The following DYRK1A variants were observed in gnomAD, a reference collection of about 807,000 sequenced individuals.
The protein encoded by DYRK1A is dual specificity tyrosine-phosphorylation-regulated kinase 1A.
DYRK1A carries 9 observed loss-of-function variants against 79.7 expected under a neutral mutation model. That is an observed-to-expected ratio of 0.11 (90% CI 0.07 to 0.20). DYRK1A has a LOEUF of 0.20. Ranked by LOEUF, DYRK1A falls within the 10% of genes least tolerant of loss-of-function variation. DYRK1A has a pLI of 1.00. For missense variants in DYRK1A, 622 were observed against 956.0 expected, an observed-to-expected ratio of 0.65 and a Z score of 4.61; for synonymous variants, 349 against 329.7, an observed-to-expected ratio of 1.06 and a Z score of -0.63.
At chr21:37,461,110 T>C (rs1035999712) in intron 2 of DYRK1A, among the ~76,000 whole-genome samples, 4 of 152,208 alleles carry the variant, frequency 2.6e-5, no homozygotes, top group African/African-American at 7.2e-5. Flanking sequence ...TTGTTGAGGA[T>C]AGTACAGTTC....
rs993816793 is a variant in DYRK1A, at chr21:37,518,580, G to A, written c.*6049G>A. On this transcript the variant is annotated 3_prime_UTR_variant, in exon 12 of 12. Coordinates refer to ENST00000647188, the MANE Select transcript of DYRK1A (RefSeq NM_001347721.2). ...AGGCAGGACTCTGGCAAGAAGAGGC[G>A]TGTGGCTAATATGACGGAAGTCTGA... is the stretch of plus-strand genomic sequence containing the variant. 1.3e-5 allele frequency: 2 copies of A among 151,458 alleles called. No individual in the cohort carries two copies. Among genetic ancestry groups the A allele is most frequent in the African/African-American group, 4.9e-5 (2 of 41,140 alleles). The allele number at this position is 151,458 out of a possible 1,614,324, so 9.4% of individuals were successfully genotyped here. A position where few individuals can be genotyped will look rare whatever the true frequency, so the allele number is the denominator to read the frequency against.
At chr21:37,374,644 C>T (rs372224125) in intron 1 of DYRK1A, among the ~76,000 whole-genome samples, 2 of 152,000 alleles carry the variant, frequency 1.3e-5, no homozygotes, top group South Asian at 2.1e-4. Flanking sequence ...GCTCCGCCTC[C>T]TGGGTTCACG....
chr21:37,385,117 A>AC (rs1436242136), intron 1 of DYRK1A, among the ~76,000 whole-genome samples: 2 of 152,106 alleles, frequency 1.3e-5, no homozygotes, highest in Non-Finnish European at 2.9e-5. Context: ...GTAGTTGAAA[A>AC]TCAGTATTTG....
chr21:37,369,869 C>T (rs1389176236), intron 1 of DYRK1A, among the ~76,000 whole-genome samples: 1 of 152,182 alleles, frequency 6.6e-6, no homozygotes, highest in Non-Finnish European at 1.5e-5. Flanking sequence ...AGAAACTTAA[C>T]ACATTATTGT....
At chr21:37,457,456 C>A (rs1254267771) in intron 2 of DYRK1A, among the ~76,000 whole-genome samples, 1 of 152,170 alleles carries the variant, frequency 6.6e-6, no homozygotes, top group East Asian at 1.9e-4. Context: ...AGTCTGGTCT[C>A]GAACTCCTCG....
At chr21:37,398,502 C>G (rs1487215989) in intron 1 of DYRK1A, among the ~76,000 whole-genome samples, 1 of 152,100 alleles carries the variant, frequency 6.6e-6, no homozygotes, top group East Asian at 1.9e-4. Context: ...CTTGATTTTG[C>G]GTAATTAAAC....
chr21:37,494,955 A>G (rs1290279313), intron 8 of DYRK1A, among the ~76,000 whole-genome samples: 1 of 151,850 alleles, frequency 6.6e-6, no homozygotes, highest in Non-Finnish European at 1.5e-5. Flanking sequence ...TAAAAAAAAA[A>G]AAAAATTGTG....
chr21:37,483,125 A>G (rs1439885719), intron 5 of DYRK1A, among the ~76,000 whole-genome samples: 3 of 152,338 alleles, frequency 2.0e-5, no homozygotes, highest in Non-Finnish European at 4.4e-5. Context: ...GGAAATCACA[A>G]GGGTATTGAT....
chr21:37,374,926 A>G (rs1351904364), intron 1 of DYRK1A, among the ~76,000 whole-genome samples: 2 of 152,206 alleles, frequency 1.3e-5, no homozygotes, highest in African/African-American at 4.8e-5. Flanking sequence ...AATAAAGTTC[A>G]TTTCTCACAT....
chr21:37,453,921 T>G (rs1051979579), intron 2 of DYRK1A, among the ~76,000 whole-genome samples: 2 of 152,110 alleles, frequency 1.3e-5, no homozygotes, highest in African/African-American at 4.8e-5. Flanking sequence ...AAAAATTGAT[T>G]TACTGAATCT....
chr21:37,375,288 A>G (rs1218316583), intron 1 of DYRK1A, among the ~76,000 whole-genome samples: 1 of 152,240 alleles, frequency 6.6e-6, no homozygotes, highest in Non-Finnish European at 1.5e-5. Flanking sequence ...AGGTTTTGTT[A>G]GTATCAGCAC....
intron 1 of DYRK1A, chr21:37,367,955 CT>C: frequency 6.2e-6 from 1 of 161,854 alleles, no homozygotes; most frequent in Non-Finnish European, 1.3e-5. Context: ...CCTCCTCCTC[CT>C]CCTCCTCTTC....
At position 37,526,326 on chromosome 21, in the gene DYRK1A, A is replaced by G. The variant is rs987679353; in HGVS notation, c.*13795A>G. On this transcript the variant is annotated 3_prime_UTR_variant, in exon 12 of 12. Transcript: ENST00000647188. ...AATAGAATCTTATAAAAATGTATAAATGTGTTTTATGTAATAAATATGCTA... is the reference window on the plus strand; with the variant it reads ...AATAGAATCTTATAAAAATGTATAAGTGTGTTTTATGTAATAAATATGCTA... 2 of 152,196 alleles carry G rather than the reference A, an allele frequency of 1.3e-5. No individual in the cohort carries two copies. The highest frequency in any genetic ancestry group is 2.9e-5 in the Non-Finnish European group (2 of 68,032). The allele number at this position is 152,196 out of a possible 1,614,324, so 9.4% of individuals were successfully genotyped here.
At chr21:37,376,310 C>T (rs1177130979) in intron 1 of DYRK1A, among the ~76,000 whole-genome samples, 1 of 152,036 alleles carries the variant, frequency 6.6e-6, no homozygotes, top group Admixed American at 6.6e-5. Context: ...GAGTTCGAGA[C>T]CAGCCTGGCT....
At chr21:37,507,436 T>C (rs546772564) in intron 11 of DYRK1A, among the ~76,000 whole-genome samples, 1 of 152,214 alleles carries the variant, frequency 6.6e-6, no homozygotes, top group Non-Finnish European at 1.5e-5. Context: ...ATACTTCTGC[T>C]ACCTGTGGTC....
chr21:37,369,160 A>G (rs2049379867), intron 1 of DYRK1A, among the ~76,000 whole-genome samples: 2 of 152,132 alleles, frequency 1.3e-5, no homozygotes, highest in African/African-American at 2.4e-5. Context: ...ACCCTTTTAT[A>G]GTTTATGTGT....
At chr21:37,387,441 G>C (rs80127187) in intron 1 of DYRK1A, among the ~76,000 whole-genome samples, 6,399 of 152,160 alleles carry the variant, frequency 0.042, 183 homozygotes, top group Middle Eastern at 0.092. Context: ...CATTCGCTTT[G>C]TTTTCTAGTA....
At chr21:37,380,516 G>A (rs1429774552) in intron 1 of DYRK1A, among the ~76,000 whole-genome samples, 1 of 152,040 alleles carries the variant, frequency 6.6e-6, no homozygotes, top group African/African-American at 2.4e-5. Flanking sequence ...CAATATTAGA[G>A]ACAGCTATGC....
rs71328595 is a variant in DYRK1A, at chr21:37,518,795, TAGAG to T, written c.*6267_*6270del. ...CACACCCAGCTAATAGTATTTTTGA[TAGAG>T]AGGGGGTTTCGCAATGTTGGCCAGG... On this transcript the variant is annotated 3_prime_UTR_variant, in exon 12 of 12. Coordinates refer to ENST00000647188, the MANE Select transcript of DYRK1A (RefSeq NM_001347721.2). 7,895 of 151,898 alleles carry T rather than the reference TAGAG, an allele frequency of 0.052. 247 individuals are homozygous for T. The highest frequency in any genetic ancestry group is 0.099 in the Middle Eastern group (29 of 294). 9.4% of individuals were successfully genotyped at this position (151,898 alleles called of 1,614,324 possible).
Sources: allele counts gnomAD v4.1 joint callset (sites outside exome capture counted in the v4.1 genomes callset), GRCh38; gene constraint gnomAD v4.1.1; transcripts MANE v1.5; gene names NCBI Gene and HGNC (gene_info 2026-07-23, HGNC 2026-07-21).